The following PCSK6 variants were observed in gnomAD, a reference collection of about 807,000 sequenced individuals.
PCSK6 encodes proprotein convertase subtilisin/kexin type 6.
A neutral mutation model predicts 123.3 loss-of-function variants in PCSK6; 85 were observed. That is an observed-to-expected ratio of 0.69 (90% CI 0.58 to 0.83). The LOEUF is 0.83. Ranked by LOEUF, PCSK6 falls within the 40% of genes least tolerant of loss-of-function variation. The pLI, the probability that PCSK6 is intolerant of heterozygous loss-of-function variation, is 0.00. For missense variants in PCSK6, 1,191 were observed against 1,282.3 expected (o/e 0.93, Z 1.09); for synonymous variants, 508 against 516.0 (o/e 0.98, Z 0.21).
chr15:101,377,507 A>C (rs2141488900), intron 11 of PCSK6, among the ~76,000 whole-genome samples: 1 of 152,330 alleles, frequency 6.6e-6, no homozygotes, highest in Admixed American at 6.5e-5. Context: ...AATGAGGATA[A>C]AGATAGAACT....
chr15:101,380,291 T>C (rs568750702), intron 11 of PCSK6, among the ~76,000 whole-genome samples: 1 of 152,302 alleles, frequency 6.6e-6, no homozygotes, highest in Admixed American at 6.5e-5. Context: ...TTAAAACGAT[T>C]TCTGGCAGGA....
intron 13 of PCSK6, 94 bp downstream of exon 13, chr15:101,366,102 A>G (rs2041378612): frequency 1.5e-6 from 2 of 1,305,294 alleles, no homozygotes; most frequent in Non-Finnish European, 2.1e-6. Context: ...CACAAAACAA[A>G]GAATTATCAG....
chr15:101,453,736 G>A (rs545137981), intron 1 of PCSK6, among the ~76,000 whole-genome samples: 1 of 152,338 alleles, frequency 6.6e-6, no homozygotes, highest in African/African-American at 2.4e-5. Context: ...ACTTGAGGAG[G>A]CCCACTGTTT....
chr15:101,430,874 G>A (rs1321898359), intron 4 of PCSK6, among the ~76,000 whole-genome samples: 2 of 152,082 alleles, frequency 1.3e-5, no homozygotes, highest in South Asian at 2.1e-4. Flanking sequence ...TTTTACAGAC[G>A]GTAAAATGTT....
intron 20 of PCSK6, chr15:101,307,684 T>C: frequency 4.3e-6 from 1 of 234,878 alleles, no homozygotes; most frequent in Non-Finnish European, 8.5e-6. Context: ...GTGTCAGTCT[T>C]CTCTCTCCAG....
intron 9 of PCSK6, among the ~76,000 whole-genome samples, chr15:101,386,694 G>A: frequency 6.6e-6 from 1 of 152,334 alleles, no homozygotes; most frequent in South Asian, 2.1e-4. Context: ...AAGGCTGAAT[G>A]TTCCACGTGT....
chr15:101,487,387 G>C (rs911900440), intron 1 of PCSK6, among the ~76,000 whole-genome samples: 6 of 152,260 alleles, frequency 3.9e-5, no homozygotes, highest in African/African-American at 1.4e-4. Flanking sequence ...TGGGTACGGA[G>C]TGTGCATCGG....
intron 1 of PCSK6, among the ~76,000 whole-genome samples, chr15:101,446,458 A>G (rs547959938): frequency 9.2e-5 from 14 of 152,346 alleles, no homozygotes; most frequent in African/African-American, 3.1e-4. Context: ...GCTGTGTACA[A>G]ATATCTGCTC....
At chr15:101,323,197 C>G (rs1327623143) in intron 17 of PCSK6, among the ~76,000 whole-genome samples, 1 of 152,198 alleles carries the variant, frequency 6.6e-6, no homozygotes, top group African/African-American at 2.4e-5. Flanking sequence ...GGCCTGGGAG[C>G]TAACAGCTGC....
At chr15:101,355,036 T>A (rs2041000138) in intron 13 of PCSK6, among the ~76,000 whole-genome samples, 1 of 152,264 alleles carries the variant, frequency 6.6e-6, no homozygotes, top group Non-Finnish European at 1.5e-5. Flanking sequence ...CTCTCGTTCT[T>A]TTGATAAATT....
intron 13 of PCSK6, among the ~76,000 whole-genome samples, chr15:101,336,518 A>C (rs577565242): frequency 6.6e-6 from 1 of 152,374 alleles, no homozygotes; most frequent in South Asian, 2.1e-4. Flanking sequence ...AGAAAGGTTA[A>C]CGTCGCATTT....
At chr15:101,417,124 T>A (rs2055915292) in intron 6 of PCSK6, among the ~76,000 whole-genome samples, 1 of 152,230 alleles carries the variant, frequency 6.6e-6, no homozygotes, top group East Asian at 1.9e-4. Flanking sequence ...ATTCTCGTGA[T>A]AGTGAATAAG....
chr15:101,424,819 T>C lies in PCSK6; in HGVS notation c.823+3073A>G, dbSNP rs564661483. ...AGTACACTATTAATTCCAGATAGACTGGGATAAGTTGGGATATGCATGATA... is the reference window on the plus strand; with the variant it reads ...AGTACACTATTAATTCCAGATAGACCGGGATAAGTTGGGATATGCATGATA... On this transcript the variant is annotated intron_variant, in intron 6 of 21. Coordinates refer to ENST00000611716, the MANE Select transcript of PCSK6 (RefSeq NM_002570.5). Among the ~76,000 whole-genome samples, 3 of 152,348 alleles carry C rather than the reference T, an allele frequency of 2.0e-5. No individual in the cohort carries two copies. In the East Asian group the frequency reaches 5.8e-4, roughly 29 times the overall value.
At chr15:101,413,001 G>T (rs2055751457) in intron 6 of PCSK6, among the ~76,000 whole-genome samples, 1 of 123,732 alleles carries the variant, frequency 8.1e-6, no homozygotes. Flanking sequence ...TAATGGAGGA[G>T]GAGTGAGGAG....
chr15:101,340,124 A>T (rs986412756), intron 13 of PCSK6, among the ~76,000 whole-genome samples: 10 of 152,176 alleles, frequency 6.6e-5, no homozygotes, highest in Non-Finnish European at 1.2e-4. Flanking sequence ...AAAAGAGTAC[A>T]TATATGTGTG....
At chr15:101,486,105 C>T (rs934576098) in intron 1 of PCSK6, among the ~76,000 whole-genome samples, 8 of 151,646 alleles carry the variant, frequency 5.3e-5, no homozygotes, top group Non-Finnish European at 1.2e-4. Flanking sequence ...CTGGGATTAC[C>T]GGCATGTGTC....
At chr15:101,344,075 CAA>C (rs752841885) in intron 13 of PCSK6, among the ~76,000 whole-genome samples, 1 of 140,274 alleles carries the variant, frequency 7.1e-6, no homozygotes, top group Non-Finnish European at 1.6e-5. Context: ...GATTCTGTCT[CAA>C]AAAAAAAAAT....
Position 101,305,261 on chromosome 15 carries a change from C to G in PCSK6, c.2907G>C (p.Gly969=). The G allele has an allele frequency of 6.2e-7, 1 of 1,610,014 alleles. No homozygotes were observed. The highest frequency in any genetic ancestry group is 2.2e-5 in the East Asian group (1 of 44,848). The change falls in exon 22 of 22, where the codon GGG becomes GGC. Residue 969 remains glycine (G), a synonymous_variant. Transcript: ENST00000611716. This position sits in a 1 kb window ranked among gnomAD's most constrained non-coding sequence, Gnocchi z 4.8. ...CTCTGTGGGCAGCTAGGCACCCTTA[C>G]CCGGCCAGGAGGCACGTGCGGCAGC... The part of the protein sequence containing the change: ...QFCCRTCLLA[G]
intron 1 of PCSK6, among the ~76,000 whole-genome samples, chr15:101,488,930 C>T (rs2058087474): frequency 6.7e-6 from 1 of 149,774 alleles, no homozygotes; most frequent in African/African-American, 2.4e-5. Context: ...CGCCGCCCGT[C>T]GAGGGCAGAG....
Sources: gnomAD v4.1 joint callset for allele counts (sites outside exome capture counted in the v4.1 genomes callset) on GRCh38, gnomAD v4.1.1 for gene constraint, Gnocchi (gnomAD v3.1) non-coding constraint, MANE v1.5 for transcripts, NCBI Gene and HGNC (gene_info 2026-07-23, HGNC 2026-07-21) for gene names.